TENM1: variants seen among roughly 807,000 people sequenced by gnomAD.
The protein encoded by TENM1 is teneurin transmembrane protein 1, also known as teneurin-1.
A neutral mutation model predicts 174.8 loss-of-function variants in TENM1; 35 were observed. That is an observed-to-expected ratio of 0.20 (90% CI 0.15 to 0.27). The LOEUF (loss-of-function observed/expected upper bound fraction) is 0.27, where lower values mean the gene tolerates loss of function less well. Ranked by LOEUF, TENM1 falls within the 10% of genes least tolerant of loss-of-function variation. TENM1 has a pLI of 1.00. For synonymous variants in TENM1, 781 were observed against 798.7 expected (o/e 0.98, Z 0.37); for missense variants, 1,633 against 2,130.1 (o/e 0.77, Z 4.59).
the TENM1 span, among the ~76,000 whole-genome samples, chrX:125,050,156 A>T: frequency 5.6e-5 from 6 of 107,132 alleles, no homozygotes; most frequent in Admixed American, 1.0e-4. Context: ...GAATCTTTTT[A>T]TTATTATTAT....
chrX:124,920,196 T>C lies in TENM1; in HGVS notation c.218-23955A>G, dbSNP rs1487623889. Among the ~76,000 whole-genome samples the C allele has an allele frequency of 3.6e-5, 4 of 111,934 alleles. No individual in the cohort carries two copies. In the Admixed American group the frequency reaches 3.8e-4, roughly 11 times the overall value. ...ATACTTTCATTGTTTTTATTTATTG[T>C]TTGAAAAATGCAGAAAACACATAAA... On this transcript the variant is annotated intron_variant, in intron 1 of 31. Coordinates refer to ENST00000422452, the Ensembl canonical transcript of TENM1.
At chrX:124,912,159 G>A (rs1004845586) in intron 1 of TENM1, among the ~76,000 whole-genome samples, 8 of 110,967 alleles carry the variant, frequency 7.2e-5, no homozygotes, top group African/African-American at 1.3e-4. Flanking sequence ...ATTTCATCTC[G>A]GTATTAACTC....
At chrX:124,392,617 T>TA (rs1240580136) in intron 27 of TENM1, among the ~76,000 whole-genome samples, 1 of 112,094 alleles carries the variant, frequency 8.9e-6, no homozygotes. Flanking sequence ...GCTCAAGCCT[T>TA]AAGTGCAGTG....
At chrX:124,827,091 C>T (rs763913824) in intron 3 of TENM1, among the ~76,000 whole-genome samples, 5 of 111,880 alleles carry the variant, frequency 4.5e-5, no homozygotes, top group Admixed American at 1.9e-4. Context: ...TGCTCTGTTG[C>T]CCAGGCTGGA....
At chrX:124,911,357 G>A (rs1360854534) in intron 1 of TENM1, among the ~76,000 whole-genome samples, 4 of 111,450 alleles carry the variant, frequency 3.6e-5, no homozygotes, top group Admixed American at 9.5e-5. Context: ...AAAAAGATAC[G>A]TCCTCTTCCC....
chrX:124,803,733 C>T (rs887157220), intron 3 of TENM1, among the ~76,000 whole-genome samples: 8 of 112,094 alleles, frequency 7.1e-5, no homozygotes, highest in African/African-American at 2.6e-4. Flanking sequence ...GTTCCTTACA[C>T]GGAGTAAGAA....
At chrX:124,401,596 G>A (rs901940886) in intron 27 of TENM1, among the ~76,000 whole-genome samples, 3 of 112,117 alleles carry the variant, frequency 2.7e-5, no homozygotes, top group African/African-American at 9.7e-5. Context: ...GAGAAAATTG[G>A]CATCAGCTTG....
chrX:124,543,909 T>A (rs5958516), intron 15 of TENM1, among the ~76,000 whole-genome samples: 36,620 of 111,331 alleles, frequency 0.33, 4,957 homozygotes, highest in East Asian at 0.78. Context: ...TCTCTCTTGG[T>A]TGCACAAGGA....
the TENM1 span, among the ~76,000 whole-genome samples, chrX:125,027,742 T>A: frequency 9.2e-6 from 1 of 109,266 alleles, no homozygotes; most frequent in Non-Finnish European, 1.9e-5. Flanking sequence ...GCTTCCTGAG[T>A]AGCTGGAACT....
chrX:124,872,030 C>CAAA (rs748541890), intron 3 of TENM1, among the ~76,000 whole-genome samples: 6 of 35,307 alleles, frequency 1.7e-4, no homozygotes, highest in African/African-American at 6.0e-4. Context: ...GACTCTGTCT[C>CAAA]AAAAAAAAAA....
At chrX:125,005,280 G>A in the TENM1 span, among the ~76,000 whole-genome samples, 7 of 106,371 alleles carry the variant, frequency 6.6e-5, no homozygotes, top group Non-Finnish European at 1.3e-4. Context: ...TAAATAAACA[G>A]CTTTCTTTAT....
chrX:124,989,823 TCA>T, the TENM1 span, among the ~76,000 whole-genome samples: 6 of 111,517 alleles, frequency 5.4e-5, no homozygotes, highest in Admixed American at 1.9e-4. Context: ...ATTGTACTTT[TCA>T]CAGTTTCTGG....
At chrX:124,677,885 G>A (rs2052130446) in intron 5 of TENM1, among the ~76,000 whole-genome samples, 1 of 111,639 alleles carries the variant, frequency 9.0e-6, no homozygotes, top group Non-Finnish European at 1.9e-5. Context: ...CTTAGTTTTA[G>A]TAATTGTACT....
chrX:124,742,580 T>C lies in TENM1; in HGVS notation c.536-5383A>G, dbSNP rs1414542856. On this transcript the variant is annotated intron_variant, in intron 3 of 31. Coordinates refer to ENST00000422452, the Ensembl canonical transcript of TENM1. ...TTTCATACATTTAGGTAAGAAAGTATTAATGCATTTTATTAAGGGGTGCTG... is the reference window on the plus strand; with the variant it reads ...TTTCATACATTTAGGTAAGAAAGTACTAATGCATTTTATTAAGGGGTGCTG... 6.3e-5 allele frequency among the ~76,000 whole-genome samples: 7 copies of C among 111,338 alleles called. No homozygotes were observed. The South Asian group carries it at 1.9e-3, about 30-fold the overall frequency.
chrX:125,103,980 A>G, the TENM1 span, among the ~76,000 whole-genome samples: 29,209 of 110,426 alleles, frequency 0.26, 3,223 homozygotes, highest in African/African-American at 0.41. Flanking sequence ...GCGACAGCGA[A>G]ACTCCATAAG....
intron 11 of TENM1, among the ~76,000 whole-genome samples, chrX:124,572,623 C>T (rs1176334986): frequency 9.0e-6 from 1 of 110,956 alleles, no homozygotes; most frequent in Non-Finnish European, 1.9e-5. Context: ...ATTGGAATGC[C>T]TGAAAAGGAA....
At chrX:124,546,172 C>T (rs2048424750) in intron 15 of TENM1, among the ~76,000 whole-genome samples, 1 of 111,871 alleles carries the variant, frequency 8.9e-6, no homozygotes, top group South Asian at 3.7e-4. Context: ...CTGTTTGCAA[C>T]AGTCTACAAA....
chrX:124,621,247 G>A (rs774788813), intron 11 of TENM1, among the ~76,000 whole-genome samples: 5 of 111,852 alleles, frequency 4.5e-5, no homozygotes, highest in African/African-American at 1.3e-4. Context: ...GGAGGCGGGC[G>A]GATCACATGA....
chrX:124,484,289 C>A (rs975963835), intron 21 of TENM1, among the ~76,000 whole-genome samples: 4 of 111,618 alleles, frequency 3.6e-5, no homozygotes, highest in Admixed American at 9.5e-5. Flanking sequence ...TGACCTTGAT[C>A]TCCTGGCTGA....
Sources: allele counts gnomAD v4.1 joint callset (sites outside exome capture counted in the v4.1 genomes callset), GRCh38; gene constraint gnomAD v4.1.1; transcripts MANE v1.5; gene names NCBI Gene and HGNC (gene_info 2026-07-23, HGNC 2026-07-21).